Variants in ZSWIM6 observed in about 807,000 individuals in gnomAD.
ZSWIM6 encodes zinc finger SWIM-type containing 6.
Under a neutral mutation model 113.2 loss-of-function variants are expected in ZSWIM6, and 9 were observed. The ratio of observed to expected loss-of-function variants is 0.08; its 90% CI spans 0.05 to 0.14. The LOEUF (loss-of-function observed/expected upper bound fraction) is 0.14. ZSWIM6 is among the 10% of genes least tolerant of loss of function. ZSWIM6 has a pLI of 1.00. For synonymous variants in ZSWIM6, 611 were observed against 606.5 expected (o/e 1.01, Z -0.11); for missense variants, 1,162 against 1,552.2 (o/e 0.75, Z 4.22).
intron 1 of ZSWIM6, among the ~76,000 whole-genome samples, chr5:61,419,228 T>C (rs1428907243): frequency 6.6e-6 from 1 of 152,260 alleles, no homozygotes; most frequent in Admixed American, 6.5e-5. Flanking sequence ...TTGTATTTGA[T>C]ACTATCAACA....
chr5:61,375,789 G>T, intron 1 of ZSWIM6: 3 of 1,462,046 alleles, frequency 2.1e-6, no homozygotes, highest in Non-Finnish European at 2.8e-6. Flanking sequence ...AAAAGAAAAA[G>T]AAGCATAAGA....
intron 1 of ZSWIM6, among the ~76,000 whole-genome samples, chr5:61,414,350 CA>C (rs369784628): frequency 9.2e-4 from 140 of 152,112 alleles, no homozygotes; most frequent in African/African-American, 3.2e-3. Flanking sequence ...TTTTGAGGAT[CA>C]GGGGTGGTGA....
chr5:61,531,308 G>A (rs1396316707), intron 8 of ZSWIM6, among the ~76,000 whole-genome samples, 157 bp from the exon 9 acceptor site: 3 of 152,154 alleles, frequency 2.0e-5, no homozygotes, highest in African/African-American at 7.2e-5. Context: ...AAAAGATACT[G>A]GAAGACTGCA....
intron 8 of ZSWIM6, 95 bp from the exon 9 acceptor site, chr5:61,531,370 C>T: frequency 7.3e-7 from 1 of 1,371,708 alleles, no homozygotes; most frequent in Non-Finnish European, 9.7e-7. Flanking sequence ...ATCCATAATT[C>T]ATTTGCTTGT....
chr5:61,398,343 C>G (rs1745881275), intron 1 of ZSWIM6, among the ~76,000 whole-genome samples: 2 of 152,162 alleles, frequency 1.3e-5, no homozygotes, highest in Admixed American at 1.3e-4. Context: ...TTATGAGAAT[C>G]TAATTCCTGA....
intron 1 of ZSWIM6, among the ~76,000 whole-genome samples, chr5:61,382,438 G>A (rs527556234): frequency 9.9e-5 from 15 of 152,104 alleles, no homozygotes; most frequent in African/African-American, 3.6e-4. Flanking sequence ...TGATGCCAAC[G>A]GTTCTTTCTT....
chr5:61,538,477 C>T (rs759925878), intron 10 of ZSWIM6, among the ~76,000 whole-genome samples: 13 of 151,938 alleles, frequency 8.6e-5, no homozygotes, highest in African/African-American at 2.2e-4. Context: ...AACATCAAGA[C>T]CTGTGTTTAA....
intron 1 of ZSWIM6, among the ~76,000 whole-genome samples, chr5:61,382,586 C>T (rs1340272330): frequency 6.6e-6 from 1 of 152,036 alleles, no homozygotes; most frequent in Non-Finnish European, 1.5e-5. Flanking sequence ...GGTGGACCAC[C>T]TGAGGTCAGG....
intron 12 of ZSWIM6, 40 bp from the exon 13 acceptor site, chr5:61,541,844 G>T: frequency 6.7e-7 from 1 of 1,500,766 alleles, no homozygotes; most frequent in Admixed American, 2.0e-5. Flanking sequence ...CATTGACTCA[G>T]GATAATTTTC....
At chr5:61,441,279 C>T (rs767051280) in intron 1 of ZSWIM6, among the ~76,000 whole-genome samples, 1 of 152,122 alleles carries the variant, frequency 6.6e-6, no homozygotes, top group Non-Finnish European at 1.5e-5. Flanking sequence ...GGTAATTAGG[C>T]AGACTCAACT....
intron 1 of ZSWIM6, among the ~76,000 whole-genome samples, chr5:61,392,549 C>T (rs1745743157): frequency 1.3e-5 from 2 of 152,150 alleles, no homozygotes; most frequent in South Asian, 2.1e-4. Context: ...AACATACACA[C>T]GTGCCACTCT....
rs201304487 is a variant in ZSWIM6, at chr5:61,505,728, CCTCT to C, written c.1333+11337_1333+11340del. ...CCTCCCTTCCTTCCTTCCTTCCTTC[CCTCT>C]CTCTCTCTCTCTCTCTCTTTCTTTC... On this transcript the variant is annotated intron_variant, in intron 4 of 13. Coordinates refer to ENST00000252744, the MANE Select transcript of ZSWIM6 (RefSeq NM_020928.2). Among the ~76,000 whole-genome samples, 116 of 123,906 alleles carry C rather than the reference CCTCT, an allele frequency of 9.4e-4. 2 individuals carry two copies. The highest frequency in any genetic ancestry group is 7.2e-3 in the South Asian group (26 of 3,604). 81.3% of individuals were successfully genotyped at this position (123,906 alleles called of 152,430 possible). A position where few individuals can be genotyped will look rare whatever the true frequency, so the allele number is the denominator to read the frequency against.
At chr5:61,435,943 TATA>T (rs1403481152) in intron 1 of ZSWIM6, among the ~76,000 whole-genome samples, 2 of 152,230 alleles carry the variant, frequency 1.3e-5, no homozygotes, top group African/African-American at 4.8e-5. Context: ...GGCTCACGCC[TATA>T]ATCCCAGCAC....
intron 1 of ZSWIM6, among the ~76,000 whole-genome samples, chr5:61,350,677 G>A (rs528102722): frequency 1.2e-4 from 19 of 152,232 alleles, no homozygotes; most frequent in Admixed American, 5.2e-4. Flanking sequence ...CTTAAGTAAC[G>A]TATCATTTGC....
chr5:61,455,939 C>T (rs1417476425), intron 1 of ZSWIM6, among the ~76,000 whole-genome samples: 1 of 151,548 alleles, frequency 6.6e-6, no homozygotes, highest in Non-Finnish European at 1.5e-5. Flanking sequence ...ATAAACCTTT[C>T]CTCAGTTATT....
Position 61,517,248 on chromosome 5 carries a change from A to C in ZSWIM6, c.1334-4015A>C, listed in dbSNP as rs548847213. ...TTTTTCTTCTCCTCATCTTTTGGGA[A>C]TCGAAAGACATAAATGTTAAACCTT... On this transcript the variant is annotated intron_variant, in intron 4 of 13. Coordinates refer to ENST00000252744, the MANE Select transcript of ZSWIM6 (RefSeq NM_020928.2). Among the ~76,000 whole-genome samples the C allele has an allele frequency of 2.3e-3, 357 of 152,190 alleles. 1 individual carries two copies. Among genetic ancestry groups the C allele is most frequent in the Middle Eastern group, 0.017 (5 of 294 alleles).
At chr5:61,519,723 A>G (rs772757472) in intron 4 of ZSWIM6, among the ~76,000 whole-genome samples, 3 of 152,022 alleles carry the variant, frequency 2.0e-5, no homozygotes, top group Admixed American at 6.6e-5. Flanking sequence ...GATAAAAGCT[A>G]TTTGATATTT....
intron 1 of ZSWIM6, among the ~76,000 whole-genome samples, chr5:61,426,188 C>G (rs1487269295): frequency 6.6e-6 from 1 of 152,154 alleles, no homozygotes; most frequent in East Asian, 1.9e-4. Context: ...GTACTATTTT[C>G]ACAGTACTAT....
Position 61,375,502 on chromosome 5 carries a change from CAG to C in ZSWIM6, c.676+42558_676+42559del, listed in dbSNP as rs532201750. ...AGATGAGGATAAGAAACAAGGAAAA[CAG>C]AGAAAGAAAAAGAAGAACCGTTCAC... On this transcript the variant is annotated intron_variant, in intron 1 of 13. Coordinates refer to ENST00000252744, the MANE Select transcript of ZSWIM6 (RefSeq NM_020928.2). 8.2e-4 allele frequency: 1,282 copies of C among 1,556,584 alleles called. 2 individuals carry two copies. Among genetic ancestry groups the C allele is most frequent in the Non-Finnish European group, 6.3e-4 (722 of 1,147,940 alleles).
Sources: gnomAD v4.1 joint callset for allele counts (sites outside exome capture counted in the v4.1 genomes callset) on GRCh38, gnomAD v4.1.1 for gene constraint, MANE v1.5 for transcripts, NCBI Gene and HGNC (gene_info 2026-07-23, HGNC 2026-07-21) for gene names.